CISD2: variants seen among roughly 807,000 people sequenced by gnomAD.
CISD2 encodes CDGSH iron sulfur domain 2, also known as CDGSH iron-sulfur domain-containing protein 2.
Under a neutral mutation model 12.9 loss-of-function variants are expected in CISD2, and 1 was observed. The ratio of observed to expected loss-of-function variants is 0.08; its 90% CI spans 0.03 to 0.37. The LOEUF is 0.37. Ranked by LOEUF, CISD2 falls within the 10% of genes least tolerant of loss-of-function variation. The probability of loss-of-function intolerance (pLI) is 0.99; values close to 1 mark genes in which losing one functional copy is unlikely to be tolerated. For missense variants in CISD2, 97 were observed against 163.1 expected (o/e 0.59, Z 2.21); for synonymous variants, 50 against 60.6 (o/e 0.83, Z 0.81).
In CISD2 at chr4:102,869,289, C is replaced by T. The variant is rs187394553; in HGVS notation, c.103+102C>T. On this transcript the variant is annotated intron_variant, in intron 1 of 2. Transcript: ENST00000273986. ...CCAAGGGGCGGGACGGAGCTCGGCG[C>T]CTGGCACGTGATCCCCGCGCGCAGA... The T allele has an allele frequency of 3.8e-4, 562 of 1,467,058 alleles. 3 individuals carry two copies. The African/African-American group carries it at 7.0e-3, about 18-fold the overall frequency. The allele number at this position is 1,467,058 out of a possible 1,614,324, so 90.9% of individuals were successfully genotyped here.
Position 102,887,459 on chromosome 4 carries a change from G to C in CISD2, c.*29G>C. ...TAATAACAATATTTTCTCATTCTTT[G>C]TGTATAGAAAATTTTAAAATGGTGG... is the stretch of plus-strand genomic sequence containing the variant. On this transcript the variant is annotated 3_prime_UTR_variant, in exon 3 of 3. Coordinates refer to ENST00000273986, the MANE Select transcript of CISD2 (RefSeq NM_001008388.5). The C allele has an allele frequency of 2.1e-6, 2 of 951,616 alleles. No homozygotes were observed. The highest frequency in any genetic ancestry group is 3.3e-6 in the Non-Finnish European group (2 of 605,042). 58.9% of individuals were successfully genotyped at this position (951,616 alleles called of 1,614,324 possible).
rs1216824342 is a variant in CISD2 at position 102,874,135 on chromosome 4, A to AG, written c.103+4948_103+4949insG. Reference sequence around the variant, plus strand: ...AGTAAGACTCTGTCTTCAAAAAAAAAAAAAAATTGGCAAAACAGAAAAATG... The same window carrying AG: ...AGTAAGACTCTGTCTTCAAAAAAAAAGAAAAAATTGGCAAAACAGAAAAATG... On this transcript the variant is annotated intron_variant, in intron 1 of 2. Transcript: ENST00000273986. 5.9e-5 allele frequency among the ~76,000 whole-genome samples: 9 copies of AG among 152,074 alleles called. No homozygotes were observed. In the East Asian group the frequency reaches 1.7e-3, roughly 29 times the overall value.
In CISD2 at chr4:102,890,839, T is replaced by TAAAAAAAAAAAAA. The variant is rs1734207337; in HGVS notation, c.*3409_*3410insAAAAAAAAAAAAA. 3.1e-5 allele frequency: 1 copy of TAAAAAAAAAAAAA among 31,800 alleles called. No individual in the cohort carries two copies. The highest frequency in any genetic ancestry group is 5.2e-5 in the Non-Finnish European group (1 of 19,094). 2.0% of individuals were successfully genotyped at this position (31,800 alleles called of 1,614,324 possible). ...TGGGCAACAGAAGTGAAACCCTATC[T>TAAAAAAAAAAAAA]TAAAAAAAAAAAAAGTCTTTTTTTT... On this transcript the variant is annotated 3_prime_UTR_variant, in exon 3 of 3. Transcript: ENST00000273986.
chr4:102,869,595 G>C, intron 1 of CISD2: 1 of 691,474 alleles, frequency 1.4e-6, no homozygotes. Context: ...CTACCGGCTG[G>C]GTTGTACCCT....
intron 1 of CISD2, among the ~76,000 whole-genome samples, chr4:102,880,720 C>T (rs931879624): frequency 4.0e-5 from 6 of 151,790 alleles, no homozygotes; most frequent in African/African-American, 7.3e-5. Flanking sequence ...TGGTCAGGCA[C>T]GGTGGCTCAC....
intron 1 of CISD2, among the ~76,000 whole-genome samples, chr4:102,870,098 G>A (rs892148206): frequency 3.3e-5 from 5 of 152,226 alleles, no homozygotes. Flanking sequence ...TTATCAGGGA[G>A]TGCAAACATG....
chr4:102,875,320 C>T (rs764802448), intron 1 of CISD2, among the ~76,000 whole-genome samples: 7 of 152,304 alleles, frequency 4.6e-5, no homozygotes, highest in East Asian at 1.9e-4. Context: ...TGTACCTCTG[C>T]GTTGCTTCTG....
At position 102,887,207 on chromosome 4, in the gene CISD2, T is replaced by C. The variant is rs1578317478; in HGVS notation, c.319-134T>C. 5.3e-5 allele frequency: 33 copies of C among 619,996 alleles called. No individual in the cohort carries two copies. The East Asian group carries it at 9.5e-4, about 18-fold the overall frequency. The allele number at this position is 619,996 out of a possible 1,614,324, so 38.4% of individuals were successfully genotyped here. ...ATATGGTTCAGTTGGATGTAGAATG[T>C]AACTATTACTCAGGAAAACGATCTG... On this transcript the variant is annotated intron_variant, in intron 2 of 2. Transcript: ENST00000273986.
intron 1 of CISD2, among the ~76,000 whole-genome samples, chr4:102,879,014 C>T (rs527240799): frequency 6.6e-6 from 1 of 152,110 alleles, no homozygotes; most frequent in Non-Finnish European, 1.5e-5. Flanking sequence ...GTGGAAGGGG[C>T]ACCTTTTTCA....
intron 1 of CISD2, among the ~76,000 whole-genome samples, chr4:102,874,055 G>A (rs922907731): frequency 2.6e-5 from 4 of 151,720 alleles, no homozygotes; most frequent in Admixed American, 6.6e-5. Flanking sequence ...GAACCCAGGA[G>A]GCAGAGGTCA....
intron 1 of CISD2, among the ~76,000 whole-genome samples, chr4:102,869,829 G>A (rs924383341): frequency 3.9e-5 from 6 of 152,120 alleles, no homozygotes; most frequent in South Asian, 2.1e-4. Flanking sequence ...AGTATTCGAA[G>A]GCCGGTATGA....
chr4:102,872,954 G>A (rs1489631429), intron 1 of CISD2, among the ~76,000 whole-genome samples: 1 of 152,196 alleles, frequency 6.6e-6, no homozygotes, highest in African/African-American at 2.4e-5. Flanking sequence ...GCATGGCTGG[G>A]GAGGCCTTAG....
intron 2 of CISD2, among the ~76,000 whole-genome samples, chr4:102,886,845 T>G (rs1733950085): frequency 6.6e-6 from 1 of 152,184 alleles, no homozygotes; most frequent in Non-Finnish European, 1.5e-5. Flanking sequence ...GAACTCCTGA[T>G]GTCAAGTGAT....
At position 102,887,570 on chromosome 4, in the gene CISD2, T is replaced by G. The variant is rs1291024337; in HGVS notation, c.*140T>G. 1.8e-6 allele frequency: 1 copy of G among 543,776 alleles called. No homozygotes were observed. The highest frequency in any genetic ancestry group is 3.3e-5 in the Admixed American group (1 of 30,550). The allele number at this position is 543,776 out of a possible 1,614,324, so 33.7% of individuals were successfully genotyped here. ...CTGTTTGTATTTGATCCTTTGTCTATTCAGTCACTTAATTAGAAATTAAAT... is the reference window on the plus strand; with the variant it reads ...CTGTTTGTATTTGATCCTTTGTCTAGTCAGTCACTTAATTAGAAATTAAAT... On this transcript the variant is annotated 3_prime_UTR_variant, in exon 3 of 3. Transcript: ENST00000273986.
intron 2 of CISD2, among the ~76,000 whole-genome samples, chr4:102,885,907 A>G (rs1039166914): frequency 5.3e-5 from 8 of 152,320 alleles, no homozygotes; most frequent in Admixed American, 1.3e-4. Flanking sequence ...AATATGAGGT[A>G]GTAAATGATA....
At chr4:102,873,374 C>T (rs1421312779) in intron 1 of CISD2, among the ~76,000 whole-genome samples, 1 of 152,114 alleles carries the variant, frequency 6.6e-6, no homozygotes, top group African/African-American at 2.4e-5. Context: ...CAAGCTCAAG[C>T]CATCCTCCCA....
intron 1 of CISD2, among the ~76,000 whole-genome samples, chr4:102,874,118 T>A (rs2110393003): frequency 1.5e-5 from 2 of 136,282 alleles, no homozygotes; most frequent in South Asian, 2.3e-4. Context: ...AGAGTAAGAC[T>A]CTGTCTTCAA....
Position 102,891,375 on chromosome 4 carries a change from AAAAT to A in CISD2, c.*3950_*3953del, listed in dbSNP as rs985028200. 6.6e-6 allele frequency: 1 copy of A among 152,232 alleles called. No individual in the cohort carries two copies. The highest frequency in any genetic ancestry group is 1.5e-5 in the Non-Finnish European group (1 of 68,034). The allele number at this position is 152,232 out of a possible 1,614,324, so 9.4% of individuals were successfully genotyped here. A position where few individuals can be genotyped will look rare whatever the true frequency, so the allele number is the denominator to read the frequency against. The stretch of plus-strand genomic sequence containing the variant: ...CAGCTGACAGCAAGTCAGGGGAACA[AAAAT>A]AAATTTAAGGTGAACATTAAAGGCA... On this transcript the variant is annotated 3_prime_UTR_variant, in exon 3 of 3. Transcript: ENST00000273986.
At position 102,892,313 on chromosome 4, in the gene CISD2, C is replaced by G. The variant is rs1734287009; in HGVS notation, c.*4883C>G. The G allele has an allele frequency of 6.6e-6, 1 of 152,216 alleles. No homozygotes were observed. 9.4% of individuals were successfully genotyped at this position (152,216 alleles called of 1,614,324 possible). A position where few individuals can be genotyped will look rare whatever the true frequency, so the allele number is the denominator to read the frequency against. On this transcript the variant is annotated 3_prime_UTR_variant, in exon 3 of 3. Transcript: ENST00000273986. ...ACTCAAGTGATCCTCCCTGCCTCAG[C>G]ACTCCCAAAGTGCTGGGATTGCAGG...
Sources: allele counts gnomAD v4.1 joint callset (sites outside exome capture counted in the v4.1 genomes callset), GRCh38; gene constraint gnomAD v4.1.1; transcripts MANE v1.5; gene names NCBI Gene and HGNC (gene_info 2026-07-23, HGNC 2026-07-21).